Variants in CACNA1C observed in about 807,000 individuals in gnomAD.
CACNA1C encodes the protein calcium voltage-gated channel subunit alpha1 C.
Under a neutral mutation model 229.0 loss-of-function variants are expected in CACNA1C, and 30 were observed. The ratio of observed to expected loss-of-function variants is 0.13; its 90% confidence interval spans 0.10 to 0.18. CACNA1C has a LOEUF of 0.18. CACNA1C is among the 10% of genes least tolerant of loss of function. The pLI is 1.00. For missense variants in CACNA1C, 1,658 were observed against 2,845.0 expected (o/e 0.58, Z 9.49); for synonymous variants, 1,114 against 1,132.5 (o/e 0.98, Z 0.33).
intron 10 of CACNA1C, among the ~76,000 whole-genome samples, chr12:2,554,047 GA>G (rs1347379814): frequency 6.6e-6 from 1 of 152,114 alleles, no homozygotes; most frequent in East Asian, 1.9e-4. Flanking sequence ...ACAATTCAGG[GA>G]AATACTATTT....
intron 3 of CACNA1C, among the ~76,000 whole-genome samples, chr12:2,135,282 T>C (rs202247462): frequency 0.087 from 12,436 of 142,280 alleles, 1,003 homozygotes; most frequent in East Asian, 0.24. Flanking sequence ...GTAATTTGAT[T>C]GTCTGAAGCC....
In CACNA1C at chr12:2,697,085, C is replaced by G. The variant is rs1350234160; in HGVS notation, c.*5886C>G. 1 of 152,272 alleles carries G rather than the reference C, an allele frequency of 6.6e-6. No homozygotes were observed. The highest frequency in any genetic ancestry group is 1.5e-5 in the Non-Finnish European group (1 of 68,070). The allele number at this position is 152,272 out of a possible 1,614,324, so 9.4% of individuals were successfully genotyped here. A position where few individuals can be genotyped will look rare whatever the true frequency, so the allele number is the denominator to read the frequency against. On this transcript the variant is annotated 3_prime_UTR_variant, in exon 47 of 47. Transcript: ENST00000399655. Reference sequence around the variant, plus strand: ...CAGTCCTGTGCAGAAAGATCCCCTTCAGGAGGTGTCTCCAGCATCCCAAAG... The same window carrying G: ...CAGTCCTGTGCAGAAAGATCCCCTTGAGGAGGTGTCTCCAGCATCCCAAAG...
intron 3 of CACNA1C, among the ~76,000 whole-genome samples, chr12:2,265,319 G>A (rs2081958296): frequency 1.3e-5 from 2 of 152,210 alleles, no homozygotes; most frequent in Admixed American, 6.5e-5. Flanking sequence ...GCACACGGGA[G>A]CATTTGTTCC....
At position 2,546,351 on chromosome 12, in the gene CACNA1C, G is replaced by T. The variant is rs113260098; in HGVS notation, c.1391-3592G>T. The stretch of plus-strand genomic sequence containing the variant: ...GTAGCTGGTGTCTTCACACTATTCC[G>T]TGCAGTAGCTGGTGTCTTCACACTC... On this transcript the variant is annotated intron_variant, in intron 9 of 46. Coordinates refer to ENST00000399655, the MANE Select transcript of CACNA1C (RefSeq NM_000719.7). 4.9e-5 allele frequency among the ~76,000 whole-genome samples: 6 copies of T among 122,670 alleles called. No homozygotes were observed. The East Asian group carries it at 1.4e-3, about 28-fold the overall frequency. 80.5% of individuals were successfully genotyped at this position (122,670 alleles called of 152,430 possible). A position where few individuals can be genotyped will look rare whatever the true frequency, so the allele number is the denominator to read the frequency against.
chr12:2,036,454 AT>A (rs1207799839), intron 1 of CACNA1C, among the ~76,000 whole-genome samples: 1 of 152,034 alleles, frequency 6.6e-6, no homozygotes, highest in Non-Finnish European at 1.5e-5. Flanking sequence ...GGGACAGTGG[AT>A]TTTCATCCTC....
At chr12:2,283,064 C>T (rs1398023045) in intron 3 of CACNA1C, among the ~76,000 whole-genome samples, 1 of 150,928 alleles carries the variant, frequency 6.6e-6, no homozygotes, top group African/African-American at 2.4e-5. Context: ...CCAGAAGTCC[C>T]TAGCATAGTA....
chr12:2,203,500 G>A (rs945351174), intron 3 of CACNA1C, among the ~76,000 whole-genome samples: 4 of 152,178 alleles, frequency 2.6e-5, no homozygotes, highest in African/African-American at 7.2e-5. Flanking sequence ...CCAGCTTCTC[G>A]CCATCTCCCG....
At chr12:2,217,991 C>T (rs965680197) in intron 3 of CACNA1C, 7 of 152,184 alleles carry the variant, frequency 4.6e-5, no homozygotes, top group African/African-American at 1.7e-4. Flanking sequence ...CCACTTCTAC[C>T]CGTCTAACTT....
At chr12:1,974,058 A>G (rs1304355434) in intron 1 of CACNA1C, among the ~76,000 whole-genome samples, 2 of 152,210 alleles carry the variant, frequency 1.3e-5, no homozygotes, top group African/African-American at 4.8e-5. Context: ...CCACTAGACT[A>G]TAAGCTCCTG....
At chr12:2,358,869 C>G (rs1371910903) in intron 3 of CACNA1C, among the ~76,000 whole-genome samples, 1 of 152,108 alleles carries the variant, frequency 6.6e-6, no homozygotes, top group Non-Finnish European at 1.5e-5. Context: ...ACTGGGAAGG[C>G]AGATTCTTAC....
chr12:2,382,612 C>T (rs1016799120), intron 3 of CACNA1C, among the ~76,000 whole-genome samples: 5 of 152,104 alleles, frequency 3.3e-5, no homozygotes, highest in African/African-American at 9.7e-5. Context: ...ATGTGAACAT[C>T]GAGGCTGTGA....
At chr12:2,362,785 C>A (rs1182229867) in intron 3 of CACNA1C, among the ~76,000 whole-genome samples, 1 of 152,148 alleles carries the variant, frequency 6.6e-6, no homozygotes, top group East Asian at 1.9e-4. Context: ...GGAAAGAGAG[C>A]AGGGAGGGAT....
intron 3 of CACNA1C, among the ~76,000 whole-genome samples, chr12:2,310,983 T>C (rs2095409110): frequency 6.6e-6 from 1 of 152,212 alleles, no homozygotes. Flanking sequence ...AGTCTAATCC[T>C]GGTCATCCGT....
In CACNA1C at chr12:2,504,615, G is replaced by T. The variant is rs1767842814; in HGVS notation, c.1114-227G>T. On this transcript the variant is annotated intron_variant, in intron 7 of 46. Transcript: ENST00000399655. The surrounding 1 kb of genome is among the most constrained non-coding windows in gnomAD (Gnocchi z 6.8). ...CAGGTTCCACTCCGTACATGCCCGG[G>T]GTCCTCAGGGATGGGACCCTGACAG... 5.5e-6 allele frequency: 5 copies of T among 909,466 alleles called. No homozygotes were observed. Among genetic ancestry groups the T allele is most frequent in the African/African-American group, 1.6e-5 (1 of 61,016 alleles). 56.3% of individuals were successfully genotyped at this position (909,466 alleles called of 1,614,324 possible). A position where few individuals can be genotyped will look rare whatever the true frequency, so the allele number is the denominator to read the frequency against.
chr12:2,247,208 T>TA (rs1372215370), intron 3 of CACNA1C, among the ~76,000 whole-genome samples: 1 of 152,188 alleles, frequency 6.6e-6, no homozygotes, highest in African/African-American at 2.4e-5. Context: ...GATGGCCTGT[T>TA]ATAACCTTGC....
chr12:2,064,175 C>CA (rs911919849), intron 1 of CACNA1C, among the ~76,000 whole-genome samples: 12 of 152,020 alleles, frequency 7.9e-5, no homozygotes, highest in African/African-American at 2.2e-4. Context: ...AAAAACGAAA[C>CA]AAAAAAAACC....
chr12:2,381,053 C>T (rs2098231305), intron 3 of CACNA1C, among the ~76,000 whole-genome samples: 1 of 152,226 alleles, frequency 6.6e-6, no homozygotes, highest in Non-Finnish European at 1.5e-5. Flanking sequence ...ACGTCCATGG[C>T]CATCTGCCTT....
intron 3 of CACNA1C, among the ~76,000 whole-genome samples, chr12:2,402,609 C>T (rs1054706361): frequency 7.9e-5 from 12 of 152,256 alleles, no homozygotes; most frequent in Admixed American, 3.9e-4. Flanking sequence ...CTGGCTCTGA[C>T]GACTTCACAT....
intron 11 of CACNA1C, among the ~76,000 whole-genome samples, chr12:2,564,858 G>A (rs2049465785): frequency 6.6e-6 from 1 of 152,110 alleles, no homozygotes; most frequent in South Asian, 2.1e-4. Flanking sequence ...TCTAGAAGGT[G>A]ACAGAGGGGC....
Sources: allele counts gnomAD v4.1 joint callset (sites outside exome capture counted in the v4.1 genomes callset), GRCh38; gene constraint gnomAD v4.1.1; non-coding constraint Gnocchi (gnomAD v3.1); transcripts MANE v1.5; gene names NCBI Gene and HGNC (gene_info 2026-07-23, HGNC 2026-07-21).